The following CUL3 variants were observed in gnomAD, a reference collection of about 807,000 sequenced individuals.
CUL3 encodes cullin-3.
A neutral mutation model predicts 89.1 loss-of-function variants in CUL3; 19 were observed. The observed-to-expected ratio is 0.21, with a 90% CI of 0.15 to 0.31. The LOEUF (loss-of-function observed/expected upper bound fraction) is 0.31. Among genes scored for constraint, CUL3 ranks in the 10% least tolerant of loss-of-function variants. The pLI, the probability that CUL3 is intolerant of heterozygous loss-of-function variation, is 1.00. For missense variants in CUL3, 469 were observed against 942.3 expected, an observed-to-expected ratio of 0.50 and a Z score of 6.58; for synonymous variants, 351 against 308.4, an observed-to-expected ratio of 1.14 and a Z score of -1.45.
At chr2:224,510,408 T>C (rs555492950) in intron 6 of CUL3, among the ~76,000 whole-genome samples, 1 of 152,018 alleles carries the variant, frequency 6.6e-6, no homozygotes, top group East Asian at 1.9e-4. Context: ...GAGATAAACA[T>C]GGCTCAACTT....
intron 4 of CUL3, among the ~76,000 whole-genome samples, chr2:224,513,923 G>A (rs971811698): frequency 6.6e-6 from 1 of 152,204 alleles, no homozygotes; most frequent in South Asian, 2.1e-4. Context: ...TGGAAGAAGG[G>A]AGAGAGGGAG....
intron 14 of CUL3, 140 bp from the exon 15 acceptor site, chr2:224,478,485 C>T (rs1426838790): frequency 3.2e-6 from 2 of 626,372 alleles, no homozygotes; most frequent in Admixed American, 6.5e-5. Context: ...TTCAAGTACG[C>T]ATTCAGAAAC....
At chr2:224,579,423 C>G (rs1419607666) in intron 1 of CUL3, among the ~76,000 whole-genome samples, 1 of 151,806 alleles carries the variant, frequency 6.6e-6, no homozygotes, top group Non-Finnish European at 1.5e-5. Context: ...AAAGAGAAAC[C>G]TACTATGAAG....
intron 8 of CUL3, 116 bp downstream of exon 8, chr2:224,505,840 T>C (rs1692578623): frequency 3.2e-6 from 2 of 617,600 alleles, no homozygotes; most frequent in Middle Eastern, 4.8e-4. Context: ...ATGGCACCCA[T>C]TTAAGCACAG....
chr2:224,545,225 A>C (rs1019797048), intron 2 of CUL3, among the ~76,000 whole-genome samples: 3 of 152,182 alleles, frequency 2.0e-5, no homozygotes, highest in Non-Finnish European at 4.4e-5. Context: ...CCTGAATAAT[A>C]TAAAATTCAC....
chr2:224,498,918 T>G (rs930065937), intron 11 of CUL3, among the ~76,000 whole-genome samples: 7 of 152,206 alleles, frequency 4.6e-5, no homozygotes, highest in African/African-American at 1.7e-4. Flanking sequence ...CAACTGGCTA[T>G]GGTAATGTAG....
chr2:224,512,711 T>C (rs747086327), intron 5 of CUL3, among the ~76,000 whole-genome samples: 2 of 152,182 alleles, frequency 1.3e-5, no homozygotes, highest in Non-Finnish European at 2.9e-5. Context: ...TCCATATCCT[T>C]ATGTGTGTTT....
chr2:224,560,228 T>C (rs1694860747), intron 1 of CUL3, among the ~76,000 whole-genome samples: 1 of 152,212 alleles, frequency 6.6e-6, no homozygotes, highest in Non-Finnish European at 1.5e-5. Flanking sequence ...AAAGCTCAAG[T>C]TCTCGATTTC....
At chr2:224,584,704 C>G (rs1695533866) in intron 1 of CUL3, among the ~76,000 whole-genome samples, 2 of 149,626 alleles carry the variant, frequency 1.3e-5, no homozygotes, top group South Asian at 2.1e-4. Context: ...GAAGGAGCAG[C>G]TCCCGGACGG....
intron 1 of CUL3, among the ~76,000 whole-genome samples, chr2:224,565,615 A>G (rs764796782): frequency 4.9e-4 from 74 of 152,226 alleles, no homozygotes; most frequent in Non-Finnish European, 8.8e-4. Context: ...CTTGAGTATC[A>G]GAAACCTCCT....
At chr2:224,549,737 T>G (rs753548804) in intron 2 of CUL3, among the ~76,000 whole-genome samples, 16 of 152,106 alleles carry the variant, frequency 1.1e-4, no homozygotes, top group Admixed American at 8.5e-4. Context: ...AGGAACCTTA[T>G]GAAAGGAGAA....
chr2:224,484,103 C>A (rs62186973), intron 13 of CUL3, among the ~76,000 whole-genome samples: 7,340 of 151,758 alleles, frequency 0.048, 231 homozygotes, highest in African/African-American at 0.075. Flanking sequence ...CCTGGGAGGT[C>A]GAGGTTATAG....
At chr2:224,548,015 TC>T (rs1694368376) in intron 2 of CUL3, among the ~76,000 whole-genome samples, 1 of 152,228 alleles carries the variant, frequency 6.6e-6, no homozygotes, top group South Asian at 2.1e-4. Flanking sequence ...GACAGCATTT[TC>T]AGCAAATAAG....
chr2:224,542,285 AT>A (rs1376430391), intron 2 of CUL3, among the ~76,000 whole-genome samples: 2 of 152,322 alleles, frequency 1.3e-5, no homozygotes, highest in Non-Finnish European at 2.9e-5. Flanking sequence ...TAAAAATTAA[AT>A]CCTTAGCAAA....
At chr2:224,532,993 CT>C (rs960157532) in intron 3 of CUL3, 1 of 152,204 alleles carries the variant, frequency 6.6e-6, no homozygotes, top group African/African-American at 2.4e-5. Context: ...GATGCTTTCT[CT>C]TTTCTCTGAG....
intron 9 of CUL3, among the ~76,000 whole-genome samples, chr2:224,503,393 G>A (rs909013602): frequency 1.3e-5 from 2 of 152,088 alleles, no homozygotes; most frequent in African/African-American, 4.8e-5. Flanking sequence ...CCTCTTTATT[G>A]TTTCCCTTTT....
At chr2:224,561,273 T>C (rs1694893030) in intron 1 of CUL3, among the ~76,000 whole-genome samples, 1 of 152,214 alleles carries the variant, frequency 6.6e-6, no homozygotes, top group Admixed American at 6.5e-5. Flanking sequence ...AATATATGAC[T>C]AATGACCCCT....
At chr2:224,534,768 G>C (rs1473653707) in intron 3 of CUL3, among the ~76,000 whole-genome samples, 1 of 151,932 alleles carries the variant, frequency 6.6e-6, no homozygotes, top group African/African-American at 2.4e-5. Context: ...AGATCACCAG[G>C]TCAGGAGATA....
chr2:224,526,452 G>A (rs1693476810), intron 3 of CUL3, among the ~76,000 whole-genome samples: 1 of 151,870 alleles, frequency 6.6e-6, no homozygotes, highest in Non-Finnish European at 1.5e-5. Context: ...TGGACGTGGT[G>A]GTGGGCGCCT....
Sources: allele counts gnomAD v4.1 joint callset (sites outside exome capture counted in the v4.1 genomes callset), GRCh38; gene constraint gnomAD v4.1.1; transcripts MANE v1.5; gene names NCBI Gene and HGNC (gene_info 2026-07-23, HGNC 2026-07-21).